TSHZ1: variants seen among roughly 807,000 people sequenced by gnomAD.
TSHZ1 encodes teashirt homolog 1.
In TSHZ1, 12 loss-of-function variants were observed where a neutral mutation model predicts 67.1. The ratio of observed to expected loss-of-function variants is 0.18; its 90% confidence interval spans 0.11 to 0.29. The LOEUF is 0.29. Among genes scored for constraint, TSHZ1 ranks in the 10% least tolerant of loss-of-function variants. TSHZ1 has a pLI of 1.00. For missense variants in TSHZ1, 1,305 were observed against 1,413.9 expected (o/e 0.92, Z 1.23); for synonymous variants, 632 against 622.4 (o/e 1.02, Z -0.23).
intron 1 of TSHZ1, among the ~76,000 whole-genome samples, chr18:75,279,931 C>G (rs1036185220): frequency 5.9e-5 from 9 of 152,122 alleles, no homozygotes; most frequent in Non-Finnish European, 1.3e-4. Context: ...GTTGGCTGAA[C>G]TGAAAATATT....
Position 75,287,792 on chromosome 18 carries a change from C to T in TSHZ1, c.2385C>T (p.Ala795=), listed in dbSNP as rs756846731. Residue 795 remains alanine (A), a synonymous_variant, in exon 2 of 2, where the codon GCC becomes GCT. Coordinates refer to ENST00000580243, the MANE Select transcript of TSHZ1 (RefSeq NM_001308210.2). The surrounding 1 kb of genome is among the most constrained non-coding windows in gnomAD (Gnocchi z 5.0). The stretch of plus-strand genomic sequence containing the variant: ...ACCCCGCCACCCCTGTGAAGCAGGC[C>T]GATGCCATCGACCGCTACTATTATG... ...PVYPATPVKQ[A]DAIDRYYYEN... 14 of 1,614,152 alleles carry T rather than the reference C, an allele frequency of 8.7e-6. No individual in the cohort carries two copies. The highest frequency in any genetic ancestry group is 2.7e-5 in the African/African-American group (2 of 75,064).
chr18:75,233,849 C>T (rs1401578497), intron 1 of TSHZ1, among the ~76,000 whole-genome samples: 1 of 152,194 alleles, frequency 6.6e-6, no homozygotes, highest in African/African-American at 2.4e-5. Flanking sequence ...GGCTTGCACA[C>T]TGTGGAGGAT....
intron 1 of TSHZ1, among the ~76,000 whole-genome samples, chr18:75,247,498 G>A (rs1195451922): frequency 3.3e-5 from 5 of 152,206 alleles, no homozygotes; most frequent in African/African-American, 1.2e-4. Context: ...TGCGTGAATT[G>A]CCTTGCCCCT....
At chr18:75,252,395 TC>T (rs1285754056) in intron 1 of TSHZ1, among the ~76,000 whole-genome samples, 1 of 152,236 alleles carries the variant, frequency 6.6e-6, no homozygotes, top group Non-Finnish European at 1.5e-5. Context: ...ACATTTTCAG[TC>T]CCACCAGTGA....
intron 1 of TSHZ1, among the ~76,000 whole-genome samples, chr18:75,241,084 G>A (rs1599035373): frequency 1.3e-5 from 2 of 152,066 alleles, no homozygotes; most frequent in South Asian, 2.1e-4. Flanking sequence ...GCTGCTCCAC[G>A]ACAATTTTGT....
At chr18:75,218,801 T>C (rs1486400002) in intron 1 of TSHZ1, among the ~76,000 whole-genome samples, 1 of 152,256 alleles carries the variant, frequency 6.6e-6, no homozygotes, top group Admixed American at 6.5e-5. Flanking sequence ...GCAAGTGTTT[T>C]ATTGGAACTT....
intron 1 of TSHZ1, among the ~76,000 whole-genome samples, chr18:75,270,645 A>G (rs1040572827): frequency 3.9e-5 from 6 of 152,100 alleles, no homozygotes; most frequent in African/African-American, 4.8e-5. Context: ...TGGGCTTCTT[A>G]CCCTTTCTAC....
chr18:75,257,762 A>G, intron 1 of TSHZ1, among the ~76,000 whole-genome samples: 1 of 152,158 alleles, frequency 6.6e-6, no homozygotes, highest in East Asian at 1.9e-4. Flanking sequence ...CATGGATTCA[A>G]ACGCCAGTCG....
At chr18:75,267,238 T>A (rs2023500086) in intron 1 of TSHZ1, among the ~76,000 whole-genome samples, 1 of 152,192 alleles carries the variant, frequency 6.6e-6, no homozygotes. Flanking sequence ...TGTGAAGCCG[T>A]CTTTTTCCGA....
intron 1 of TSHZ1, chr18:75,280,750 G>A: frequency 4.1e-6 from 4 of 985,452 alleles, no homozygotes; most frequent in Non-Finnish European, 4.8e-6. Flanking sequence ...CAACCCAGAG[G>A]CGCAGGAGCC....
intron 1 of TSHZ1, among the ~76,000 whole-genome samples, chr18:75,229,369 C>T (rs542750672): frequency 1.3e-5 from 2 of 152,336 alleles, no homozygotes; most frequent in East Asian, 3.9e-4. Flanking sequence ...GCTTCCGGTC[C>T]GATGGTGTGA....
Position 75,229,130 on chromosome 18 carries a change from C to T in TSHZ1, c.40+17214C>T, listed in dbSNP as rs554313350. ...GTGTTGGGCGTGCTGCCCTGGCCTGCGTGCAGCCATGTGACATGCCATCCC... is the reference window on the plus strand; with the variant it reads ...GTGTTGGGCGTGCTGCCCTGGCCTGTGTGCAGCCATGTGACATGCCATCCC... On this transcript the variant is annotated intron_variant, in intron 1 of 1. Coordinates refer to ENST00000580243, the MANE Select transcript of TSHZ1 (RefSeq NM_001308210.2). Among the ~76,000 whole-genome samples, 232 of 152,364 alleles carry T rather than the reference C, an allele frequency of 1.5e-3. 2 individuals carry two copies. Among genetic ancestry groups the T allele is most frequent in the African/African-American group, 5.1e-3 (211 of 41,588 alleles).
Position 75,287,905 on chromosome 18 carries a change from G to A in TSHZ1, c.2498G>A (p.Arg833Gln), listed in dbSNP as rs781707604. ...GCTGATTCGGTGGCATCACCTCTGC[G>A]GGAGAGCGCACTCATGGACATCTCC... is the stretch of plus-strand genomic sequence containing the variant. ...SVADSVASPL[R>Q]ESALMDISDM... Residue 833 changes from arginine (R) to glutamine (Q), a missense_variant, in exon 2 of 2, where the codon CGG (arginine) becomes CAG (glutamine). By Grantham distance (43) the Arg-to-Gln change is conservative. Coordinates refer to ENST00000580243, the MANE Select transcript of TSHZ1 (RefSeq NM_001308210.2). The surrounding 1 kb of genome is among the most constrained non-coding windows in gnomAD (Gnocchi z 5.0). 1.4e-5 allele frequency: 23 copies of A among 1,614,056 alleles called. No homozygotes were observed. Among genetic ancestry groups the A allele is most frequent in the South Asian group, 4.4e-5 (4 of 91,080 alleles).
At position 75,211,873 on chromosome 18, in the gene TSHZ1, C is replaced by G. The variant is rs895643063; in HGVS notation, c.-4C>G. 3.4e-6 allele frequency: 4 copies of G among 1,186,520 alleles called. No individual in the cohort carries two copies. The highest frequency in any genetic ancestry group is 2.1e-6 in the Non-Finnish European group (2 of 958,996). The allele number at this position is 1,186,520 out of a possible 1,614,324, so 73.5% of individuals were successfully genotyped here. A position where few individuals can be genotyped will look rare whatever the true frequency, so the allele number is the denominator to read the frequency against. On this transcript the variant is annotated 5_prime_UTR_variant, in exon 1 of 2. Coordinates refer to ENST00000580243, the MANE Select transcript of TSHZ1 (RefSeq NM_001308210.2). Reference sequence around the variant, plus strand: ...TGAGGCGACGGCTGCGGCGGCCGAGCAGCATGCCGAGGAGGAAGCAGCAGG... The same window carrying G: ...TGAGGCGACGGCTGCGGCGGCCGAGGAGCATGCCGAGGAGGAAGCAGCAGG...
intron 1 of TSHZ1, among the ~76,000 whole-genome samples, chr18:75,227,631 GTTA>G (rs1213006218): frequency 2.0e-5 from 3 of 152,230 alleles, no homozygotes; most frequent in Non-Finnish European, 4.4e-5. Flanking sequence ...TGTGAGAAAA[GTTA>G]TTGTTTCTCT....
At position 75,226,215 on chromosome 18, in the gene TSHZ1, G is replaced by A. The variant is rs186771306; in HGVS notation, c.40+14299G>A. 5.8e-3 allele frequency among the ~76,000 whole-genome samples: 883 copies of A among 152,300 alleles called. 11 individuals carry two copies. The highest frequency in any genetic ancestry group is 0.021 in the African/African-American group (859 of 41,550). ...GAGGAAAAAGTATTTGGATGTAGCC[G>A]TTATGTTTAATTTTCCTCACACAGT... On this transcript the variant is annotated intron_variant, in intron 1 of 1. Transcript: ENST00000580243.
chr18:75,228,227 G>A (rs775703317), intron 1 of TSHZ1, among the ~76,000 whole-genome samples: 1 of 152,210 alleles, frequency 6.6e-6, no homozygotes, highest in African/African-American at 2.4e-5. Flanking sequence ...CATGCCAGTG[G>A]TCCTGTTCTG....
chr18:75,214,161 A>C (rs1312022593), intron 1 of TSHZ1, among the ~76,000 whole-genome samples: 2 of 152,196 alleles, frequency 1.3e-5, no homozygotes, highest in African/African-American at 2.4e-5. Context: ...TCACTCATAA[A>C]AAGCATTAAC....
chr18:75,222,160 C>T (rs1014921291), intron 1 of TSHZ1, among the ~76,000 whole-genome samples: 3 of 150,862 alleles, frequency 2.0e-5, no homozygotes, highest in Non-Finnish European at 4.4e-5. Context: ...GGCTTGTGTG[C>T]TTGGGTTAGA....
Sources: gnomAD v4.1 joint callset for allele counts (sites outside exome capture counted in the v4.1 genomes callset) on GRCh38, gnomAD v4.1.1 for gene constraint, Gnocchi (gnomAD v3.1) non-coding constraint, MANE v1.5 for transcripts, NCBI Gene and HGNC (gene_info 2026-07-23, HGNC 2026-07-21) for gene names.